Variants in ENTREP2 observed in about 807,000 individuals in gnomAD.
The protein encoded by ENTREP2 is protein ENTREP2.
chr15:29,131,994 C>G, the ENTREP2 span, among the ~76,000 whole-genome samples: 1 of 152,110 alleles, frequency 6.6e-6, no homozygotes, highest in Non-Finnish European at 1.5e-5. Flanking sequence ...CGAGTGCTCA[C>G]GGAGCCCACC....
chr15:29,439,981 C>T, the ENTREP2 span, among the ~76,000 whole-genome samples: 3 of 152,096 alleles, frequency 2.0e-5, no homozygotes, highest in South Asian at 2.1e-4. Flanking sequence ...TCCTCATATT[C>T]GTAACTCCAG....
At chr15:29,269,978 GCAAA>G in the ENTREP2 span, 2 of 415,466 alleles carry the variant, frequency 4.8e-6, no homozygotes, top group African/African-American at 2.1e-5. Flanking sequence ...ACCAAACCAT[GCAAA>G]CAGAGAGCGA....
the ENTREP2 span, among the ~76,000 whole-genome samples, chr15:29,670,345 G>C: frequency 6.6e-6 from 1 of 152,162 alleles, no homozygotes; most frequent in African/African-American, 2.4e-5. Flanking sequence ...ACGCATGAAG[G>C]GTCTCGCCCA....
the ENTREP2 span, among the ~76,000 whole-genome samples, chr15:29,353,143 T>A: frequency 6.6e-6 from 1 of 152,190 alleles, no homozygotes; most frequent in Non-Finnish European, 1.5e-5. Context: ...AGCGGCATTT[T>A]TTTTTAATGT....
chr15:29,123,153 C>G, the ENTREP2 span: 8 of 597,842 alleles, frequency 1.3e-5, no homozygotes, highest in African/African-American at 9.2e-5. Context: ...AGACACTGCT[C>G]GGCTCCCCTC....
the ENTREP2 span, among the ~76,000 whole-genome samples, chr15:29,445,024 A>G: frequency 6.6e-6 from 1 of 152,226 alleles, no homozygotes; most frequent in African/African-American, 2.4e-5. Context: ...CTCATAGAAT[A>G]GCAGATGTGT....
At chr15:29,402,220 T>C in the ENTREP2 span, among the ~76,000 whole-genome samples, 16 of 148,858 alleles carry the variant, frequency 1.1e-4, no homozygotes, top group Admixed American at 9.5e-4. Flanking sequence ...GGGTCCTTCC[T>C]AGTTGCTGCC....
chr15:29,185,990 C>T, the ENTREP2 span, among the ~76,000 whole-genome samples: 4 of 152,176 alleles, frequency 2.6e-5, no homozygotes, highest in African/African-American at 9.7e-5. Context: ...TCCATGCTGT[C>T]CTCTCCCGTT....
chr15:29,194,984 C>T, the ENTREP2 span: 3 of 290,606 alleles, frequency 1.0e-5, no homozygotes, highest in African/African-American at 4.5e-5. Context: ...GAGTGAGCAA[C>T]GGCTGCCCGT....
At chr15:29,337,402 C>T in the ENTREP2 span, among the ~76,000 whole-genome samples, 231 of 152,258 alleles carry the variant, frequency 1.5e-3, no homozygotes, top group African/African-American at 5.4e-3. Flanking sequence ...GGGAGGGCTG[C>T]CTGCCTTTTT....
chr15:29,343,261 G>GCTGT, the ENTREP2 span, among the ~76,000 whole-genome samples: 7 of 152,154 alleles, frequency 4.6e-5, no homozygotes, highest in African/African-American at 1.7e-4. Context: ...TGTTGCTGTG[G>GCTGT]CTGTCCTTTT....
the ENTREP2 span, among the ~76,000 whole-genome samples, chr15:29,290,527 A>T: frequency 2.0e-5 from 3 of 152,098 alleles, no homozygotes; most frequent in Non-Finnish European, 2.9e-5. Flanking sequence ...TGTATGATCA[A>T]TCTCCCTGCA....
chr15:29,487,152 G>A, the ENTREP2 span, among the ~76,000 whole-genome samples: 1 of 152,130 alleles, frequency 6.6e-6, no homozygotes, highest in Non-Finnish European at 1.5e-5. Flanking sequence ...CCATAAATAT[G>A]TACAGTTATT....
chr15:29,656,475 C>T, the ENTREP2 span, among the ~76,000 whole-genome samples: 1 of 152,182 alleles, frequency 6.6e-6, no homozygotes, highest in African/African-American at 2.4e-5. Flanking sequence ...AATCTGCCTG[C>T]CTCAGCCTCC....
chr15:29,370,341 T>A, the ENTREP2 span, among the ~76,000 whole-genome samples: 2 of 152,158 alleles, frequency 1.3e-5, no homozygotes, highest in African/African-American at 2.4e-5. Context: ...TTAGACAAAA[T>A]CATCTTTAAG....
the ENTREP2 span, among the ~76,000 whole-genome samples, chr15:29,473,762 C>G: frequency 6.6e-6 from 1 of 152,238 alleles, no homozygotes; most frequent in Non-Finnish European, 1.5e-5. Flanking sequence ...GTTCAAGAAA[C>G]CGCCTGAGGC....
chr15:29,590,878 C>T, the ENTREP2 span, among the ~76,000 whole-genome samples: 2 of 151,960 alleles, frequency 1.3e-5, no homozygotes, highest in African/African-American at 4.8e-5. Flanking sequence ...AACATAACTT[C>T]CTGTTAATAT....
At chr15:29,151,921 G>A in the ENTREP2 span, 1 of 975,722 alleles carries the variant, frequency 1.0e-6, no homozygotes, top group Non-Finnish European at 1.4e-6. Flanking sequence ...CCAGGGCCCA[G>A]AATGAGCCGA....
chr15:29,370,826 C>T, the ENTREP2 span, among the ~76,000 whole-genome samples: 2 of 152,096 alleles, frequency 1.3e-5, no homozygotes, highest in Non-Finnish European at 2.9e-5. Context: ...CTGCCTCTTA[C>T]TCGCTCCAAA....
Sources: gnomAD v4.1 joint callset for allele counts (sites outside exome capture counted in the v4.1 genomes callset) on GRCh38, gnomAD v4.1.1 for gene constraint, MANE v1.5 for transcripts, NCBI Gene and HGNC (gene_info 2026-07-23, HGNC 2026-07-21) for gene names.